OAF: variants seen among roughly 807,000 people sequenced by gnomAD.
OAF encodes out at first homolog, also known as out at first protein homolog.
In OAF, 13 loss-of-function variants were observed where a neutral mutation model predicts 22.5. The ratio of observed to expected loss-of-function variants is 0.58; its 90% confidence interval spans 0.38 to 0.92. OAF has a LOEUF of 0.92. Ranked by LOEUF, OAF falls within the 40% of genes least tolerant of loss-of-function variation. The probability of loss-of-function intolerance (pLI) is 0.00; values close to 1 mark genes in which losing one functional copy is unlikely to be tolerated. For synonymous variants in OAF, 175 were observed against 170.5 expected, an observed-to-expected ratio of 1.03 and a Z score of -0.21; for missense variants, 347 against 381.8, an observed-to-expected ratio of 0.91 and a Z score of 0.76.
rs1938136262 is a variant in OAF, at chr11:120,211,163, C to G, written c.-117C>G. ...CGGGCGACCCCGCGGCCAAGGCCCC[C>G]GGCGGAGCGGCTCCCGGGCGCCCCG... On this transcript the variant is annotated 5_prime_UTR_variant, in exon 1 of 4. Transcript: ENST00000328965. 4.4e-6 allele frequency: 2 copies of G among 453,810 alleles called. No individual in the cohort carries two copies. Among genetic ancestry groups the G allele is most frequent in the Non-Finnish European group, 6.5e-6 (2 of 309,468 alleles). 28.1% of individuals were successfully genotyped at this position (453,810 alleles called of 1,614,324 possible).
At chr11:120,212,746 G>A (rs999277102) in intron 1 of OAF, among the ~76,000 whole-genome samples, 24 of 150,012 alleles carry the variant, frequency 1.6e-4, no homozygotes, top group Middle Eastern at 6.8e-3. Context: ...CTAGAGGTGG[G>A]TGGGGTTGGG....
Position 120,229,097 on chromosome 11 carries a change from C to G in OAF, c.777C>G (p.Pro259=), listed in dbSNP as rs757029515. 5 of 1,613,464 alleles carry G rather than the reference C, an allele frequency of 3.1e-6. No homozygotes were observed. Among genetic ancestry groups the G allele is most frequent in the East Asian group, 2.2e-5 (1 of 44,876 alleles). Residue 259 remains proline, a synonymous_variant, in exon 4 of 4, where the codon CCC becomes CCG. Coordinates refer to ENST00000328965, the MANE Select transcript of OAF (RefSeq NM_178507.4). The part of the protein sequence containing the change: ...QKSYSFDFYV[P]QRQLCLWDED... ...GCTACAGCTTCGACTTCTACGTGCCCCAGAGGCAGCTGTGTCTCTGGGATG... is the reference window on the plus strand; with the variant it reads ...GCTACAGCTTCGACTTCTACGTGCCGCAGAGGCAGCTGTGTCTCTGGGATG...
chr11:120,211,804 G>T (rs1938152867), intron 1 of OAF, among the ~76,000 whole-genome samples: 1 of 152,160 alleles, frequency 6.6e-6, no homozygotes. Flanking sequence ...CCTTCTTGGA[G>T]TCATTCCCCT....
At chr11:120,217,905 A>G (rs918560589) in intron 1 of OAF, among the ~76,000 whole-genome samples, 2 of 152,228 alleles carry the variant, frequency 1.3e-5, no homozygotes, top group Non-Finnish European at 2.9e-5. Flanking sequence ...ATGAGGAGCT[A>G]ACATCCTTGA....
Position 120,230,225 on chromosome 11 carries a change from C to A in OAF, c.*1083C>A, listed in dbSNP as rs1378229926. The A allele has an allele frequency of 6.6e-6, 1 of 152,174 alleles. No individual in the cohort carries two copies. Among genetic ancestry groups the A allele is most frequent in the South Asian group, 2.1e-4 (1 of 4,822 alleles). 9.4% of individuals were successfully genotyped at this position (152,174 alleles called of 1,614,324 possible). Reference sequence around the variant, plus strand: ...GCAAGAGATGGGGTGGAGATTGGAACCCCGCTTCAGATCTGGGCTCGGCTA... The same window carrying A: ...GCAAGAGATGGGGTGGAGATTGGAAACCCGCTTCAGATCTGGGCTCGGCTA... On this transcript the variant is annotated 3_prime_UTR_variant, in exon 4 of 4. Transcript: ENST00000328965.
chr11:120,220,354 AG>A (rs1021290336), intron 1 of OAF, among the ~76,000 whole-genome samples: 3 of 152,160 alleles, frequency 2.0e-5, no homozygotes, highest in Middle Eastern at 3.4e-3. Flanking sequence ...CTCCTCCCCT[AG>A]TACATTCCCA....
At chr11:120,228,825 T>TGCC in intron 3 of OAF, 43 bp from the exon 4 acceptor site, 15 of 434,172 alleles carry the variant, frequency 3.5e-5, no homozygotes, top group East Asian at 2.7e-4. Context: ...GCTCCTTCCC[T>TGCC]CCCTCCCTCC....
intron 1 of OAF, among the ~76,000 whole-genome samples, chr11:120,224,406 C>G (rs1346625287): frequency 2.0e-5 from 3 of 152,230 alleles, no homozygotes; most frequent in Admixed American, 2.0e-4. Context: ...GTCCTCACCA[C>G]AACCCTGTCA....
chr11:120,228,752 T>C, intron 3 of OAF, 116 bp from the exon 4 acceptor site: 1 of 778,044 alleles, frequency 1.3e-6, no homozygotes, highest in East Asian at 2.7e-5. Context: ...GAGGTGTCTG[T>C]AAATGCCTGT....
chr11:120,229,389 C>CT lies in OAF; in HGVS notation c.*247_*248insT. Reference sequence around the variant, plus strand: ...CGGGCAGAGAGGGAGAGAAGGGCTCCCCAGATCTACACCCCTCCCTCCTGC... The same window carrying CT: ...CGGGCAGAGAGGGAGAGAAGGGCTCCTCCAGATCTACACCCCTCCCTCCTGC... On this transcript the variant is annotated 3_prime_UTR_variant, in exon 4 of 4. Coordinates refer to ENST00000328965, the MANE Select transcript of OAF (RefSeq NM_178507.4). 1 of 501,588 alleles carries CT rather than the reference C, an allele frequency of 2.0e-6. No homozygotes were observed. Among genetic ancestry groups the CT allele is most frequent in the South Asian group, 2.1e-5 (1 of 46,806 alleles). 31.1% of individuals were successfully genotyped at this position (501,588 alleles called of 1,614,324 possible). A position where few individuals can be genotyped will look rare whatever the true frequency, so the allele number is the denominator to read the frequency against.
At position 120,211,278 on chromosome 11, in the gene OAF, G is replaced by A. The variant is rs768259730; in HGVS notation, c.-2G>A. The A allele has an allele frequency of 8.1e-7, 1 of 1,237,624 alleles. No homozygotes were observed. Among genetic ancestry groups the A allele is most frequent in the African/African-American group, 1.6e-5 (1 of 63,704 alleles). The allele number at this position is 1,237,624 out of a possible 1,614,324, so 76.7% of individuals were successfully genotyped here. A position where few individuals can be genotyped will look rare whatever the true frequency, so the allele number is the denominator to read the frequency against. Reference sequence around the variant, plus strand: ...GGCCGCGGACGGCAGCGGCCCCCGGGGATGCGCCTTCCCGGGGTACCCCTG... The same window carrying A: ...GGCCGCGGACGGCAGCGGCCCCCGGAGATGCGCCTTCCCGGGGTACCCCTG... On this transcript the variant is annotated 5_prime_UTR_variant, in exon 1 of 4. Transcript: ENST00000328965.
At chr11:120,220,436 T>C (rs1938265760) in intron 1 of OAF, among the ~76,000 whole-genome samples, 1 of 152,224 alleles carries the variant, frequency 6.6e-6, no homozygotes, top group African/African-American at 2.4e-5. Context: ...CAGATGTTTA[T>C]TGAGCACCTG....
rs150612328 is a variant in OAF, at chr11:120,225,716, A to G, written c.287A>G (p.Gln96Arg). 72 of 1,605,188 alleles carry G rather than the reference A, an allele frequency of 4.5e-5. No homozygotes were observed. The East Asian group carries it at 1.6e-3, about 35-fold the overall frequency. Residue 96 changes from glutamine to arginine, a missense_variant, in exon 2 of 4, where the codon CAG becomes CGG. Physicochemically the swap from Gln to Arg is conservative, Grantham distance 43 (BLOSUM62 1). Coordinates refer to ENST00000328965, the MANE Select transcript of OAF (RefSeq NM_178507.4). The part of the protein sequence containing the change: ...ILGELEKGQS[Q>R]FQALCFVTQL... The stretch of plus-strand genomic sequence containing the variant: ...GGGGAGCTGGAGAAGGGGCAGAGTC[A>G]GTTCCAGGCCCTCTGCTTTGTCACC...
intron 2 of OAF, 100 bp from the exon 3 acceptor site, chr11:120,226,716 A>G: frequency 9.0e-7 from 1 of 1,116,872 alleles, no homozygotes. Flanking sequence ...CAGCGTTCTA[A>G]AGGCAGTCAG....
intron 1 of OAF, among the ~76,000 whole-genome samples, chr11:120,220,126 T>A (rs1020901433): frequency 2.0e-5 from 3 of 152,128 alleles, no homozygotes; most frequent in African/African-American, 7.2e-5. Context: ...AGAGACCATC[T>A]GACTGGGGCA....
In OAF at chr11:120,229,413, G is replaced by T; in HGVS notation, c.*271G>T. 2.1e-6 allele frequency: 1 copy of T among 472,162 alleles called. No individual in the cohort carries two copies. Among genetic ancestry groups the T allele is most frequent in the Non-Finnish European group, 3.9e-6 (1 of 254,506 alleles). 29.2% of individuals were successfully genotyped at this position (472,162 alleles called of 1,614,324 possible). ...CCCCAGATCTACACCCCTCCCTCCT[G>T]CATCTCCCCTGGAGTGTTCACTTGC... On this transcript the variant is annotated 3_prime_UTR_variant, in exon 4 of 4. Transcript: ENST00000328965.
intron 1 of OAF, among the ~76,000 whole-genome samples, chr11:120,221,174 G>C (rs1439590295): frequency 6.6e-6 from 1 of 152,176 alleles, no homozygotes; most frequent in Non-Finnish European, 1.5e-5. Flanking sequence ...GCTGACTTGA[G>C]TTGTCAGAAG....
chr11:120,219,014 G>A (rs1351773261), intron 1 of OAF, among the ~76,000 whole-genome samples: 1 of 152,050 alleles, frequency 6.6e-6, no homozygotes, highest in Non-Finnish European at 1.5e-5. Context: ...CACACGTTAT[G>A]AGAAGTGGCA....
At chr11:120,216,687 A>G (rs940454986) in intron 1 of OAF, among the ~76,000 whole-genome samples, 2 of 152,204 alleles carry the variant, frequency 1.3e-5, no homozygotes, top group Non-Finnish European at 2.9e-5. Context: ...AGTCCTAGCA[A>G]AAGATCCCGG....
Sources: allele counts gnomAD v4.1 joint callset (sites outside exome capture counted in the v4.1 genomes callset), GRCh38; gene constraint gnomAD v4.1.1; transcripts MANE v1.5; gene names NCBI Gene and HGNC (gene_info 2026-07-23, HGNC 2026-07-21).